Variants in FHL5 observed in about 807,000 individuals in gnomAD.
FHL5 encodes four and a half LIM domains 5, also known as four and a half LIM domains protein 5.
A neutral mutation model predicts 32.0 loss-of-function variants in FHL5; 33 were observed. The ratio of observed to expected loss-of-function variants is 1.03; its 90% CI spans 0.78 to 1.38. The LOEUF is 1.38. Among genes scored for constraint, FHL5 ranks in the 40% most tolerant of loss-of-function variants. The pLI is 0.00. For missense variants in FHL5, 336 were observed against 343.9 expected, an observed-to-expected ratio of 0.98 and a Z score of 0.18; for synonymous variants, 114 against 113.6, an observed-to-expected ratio of 1.00 and a Z score of -0.02.
chr6:96,564,791 C>G (rs543306528), intron 1 of FHL5, among the ~76,000 whole-genome samples: 1 of 152,286 alleles, frequency 6.6e-6, no homozygotes, highest in African/African-American at 2.4e-5. Flanking sequence ...AACCAGCTTG[C>G]ATTTCCTTGT....
chr6:96,571,869 A>G (rs1770485603), intron 1 of FHL5, among the ~76,000 whole-genome samples: 1 of 152,150 alleles, frequency 6.6e-6, no homozygotes, highest in Non-Finnish European at 1.5e-5. Flanking sequence ...GGTGCTCAGC[A>G]GTATCCCAGA....
intron 1 of FHL5, among the ~76,000 whole-genome samples, chr6:96,588,872 C>A (rs1168552158): frequency 7.0e-6 from 1 of 142,144 alleles, no homozygotes; most frequent in Non-Finnish European, 1.6e-5. Flanking sequence ...TCTTAATGAG[C>A]AATTCTTTTA....
chr6:96,573,512 T>C (rs1770523203), intron 1 of FHL5, among the ~76,000 whole-genome samples: 1 of 150,680 alleles, frequency 6.6e-6, no homozygotes, highest in Admixed American at 6.6e-5. Context: ...AGTCACACTA[T>C]CACAAAATAT....
At chr6:96,585,261 C>T (rs1770774457) in intron 1 of FHL5, among the ~76,000 whole-genome samples, 1 of 152,048 alleles carries the variant, frequency 6.6e-6, no homozygotes, top group Non-Finnish European at 1.5e-5. Flanking sequence ...TTCTTTACAC[C>T]ATTTAAATTT....
chr6:96,606,780 T>C (rs1176020436), intron 4 of FHL5, among the ~76,000 whole-genome samples: 2 of 152,216 alleles, frequency 1.3e-5, no homozygotes, highest in African/African-American at 4.8e-5. Flanking sequence ...AAATATGGAT[T>C]TGCCTCACAA....
chr6:96,615,782 C>T lies in FHL5; in HGVS notation c.*10C>T. 6.4e-7 allele frequency: 1 copy of T among 1,569,958 alleles called. No individual in the cohort carries two copies. Among genetic ancestry groups the T allele is most frequent in the Non-Finnish European group, 8.6e-7 (1 of 1,157,014 alleles). ...GGACACTGACATCTAGGAGACAGTC[C>T]TTGCCCACCTAAAATCCATTTTGCC... On this transcript the variant is annotated 3_prime_UTR_variant, in exon 6 of 6. Coordinates refer to ENST00000450218, the MANE Select transcript of FHL5 (RefSeq NM_001322466.2).
At chr6:96,582,075 G>T (rs912782523) in intron 1 of FHL5, among the ~76,000 whole-genome samples, 1 of 152,110 alleles carries the variant, frequency 6.6e-6, no homozygotes, top group East Asian at 1.9e-4. Context: ...CCTCAAACAA[G>T]CCTTTGAGGA....
intron 1 of FHL5, among the ~76,000 whole-genome samples, chr6:96,569,704 G>A (rs1231539118): frequency 6.6e-6 from 1 of 151,524 alleles, no homozygotes; most frequent in East Asian, 1.9e-4. Context: ...CCTGATATAA[G>A]TATAGCTATT....
chr6:96,596,982 T>C (rs1249449849), intron 1 of FHL5, among the ~76,000 whole-genome samples: 2 of 152,060 alleles, frequency 1.3e-5, no homozygotes, highest in South Asian at 4.1e-4. Context: ...TGCATCTTGC[T>C]CCCACACATG....
At chr6:96,582,765 G>A (rs954064511) in intron 1 of FHL5, among the ~76,000 whole-genome samples, 1 of 152,060 alleles carries the variant, frequency 6.6e-6, no homozygotes, top group African/African-American at 2.4e-5. Flanking sequence ...GGTTATTTTT[G>A]ATTGATGGCC....
At chr6:96,576,503 C>T (rs989855051) in intron 1 of FHL5, among the ~76,000 whole-genome samples, 4 of 152,204 alleles carry the variant, frequency 2.6e-5, no homozygotes, top group East Asian at 3.8e-4. Flanking sequence ...CAGGCTACCA[C>T]GTAAGCTTTT....
At chr6:96,600,950 A>C (rs1401313488) in intron 1 of FHL5, among the ~76,000 whole-genome samples, 1 of 152,190 alleles carries the variant, frequency 6.6e-6, no homozygotes, top group Non-Finnish European at 1.5e-5. Flanking sequence ...ATAAAATCAC[A>C]AGGTTTTGAG....
intron 1 of FHL5, among the ~76,000 whole-genome samples, chr6:96,589,393 A>G (rs1019657551): frequency 6.6e-6 from 1 of 152,034 alleles, no homozygotes; most frequent in Non-Finnish European, 1.5e-5. Flanking sequence ...TGATATTTTT[A>G]TATTGACCTT....
At chr6:96,574,538 T>G (rs1770546627) in intron 1 of FHL5, among the ~76,000 whole-genome samples, 1 of 152,160 alleles carries the variant, frequency 6.6e-6, no homozygotes, top group Admixed American at 6.5e-5. Flanking sequence ...AAAGCGATGC[T>G]TAGGTTTCAG....
chr6:96,574,528 A>AAAAAAAACCT (rs1770546319), intron 1 of FHL5, among the ~76,000 whole-genome samples: 1 of 152,192 alleles, frequency 6.6e-6, no homozygotes, highest in Non-Finnish European at 1.5e-5. Flanking sequence ...TAAAAATGTA[A>AAAAAAAACCT]AAGCGATGCT....
chr6:96,584,465 G>GTT (rs1431635451), intron 1 of FHL5, among the ~76,000 whole-genome samples: 2 of 145,900 alleles, frequency 1.4e-5, no homozygotes, highest in African/African-American at 5.2e-5. Flanking sequence ...GTGTGTTTGT[G>GTT]TGTGTGTGTG....
chr6:96,610,821 T>C, intron 5 of FHL5, 63 bp downstream of exon 5: 2 of 1,190,446 alleles, frequency 1.7e-6, no homozygotes, highest in Non-Finnish European at 2.4e-6. Context: ...AAACACTATC[T>C]AGTTAATTTA....
intron 1 of FHL5, among the ~76,000 whole-genome samples, chr6:96,569,631 A>G (rs752248882): frequency 2.0e-5 from 3 of 151,904 alleles, no homozygotes; most frequent in Non-Finnish European, 4.4e-5. Context: ...TATGTTTACA[A>G]TTGTTACATC....
At chr6:96,578,527 A>C (rs375584520) in intron 1 of FHL5, among the ~76,000 whole-genome samples, 8 of 152,276 alleles carry the variant, frequency 5.3e-5, no homozygotes, top group African/African-American at 1.9e-4. Context: ...CTGGCAATCT[A>C]GTCTAAAAAG....
Sources: allele counts gnomAD v4.1 joint callset (sites outside exome capture counted in the v4.1 genomes callset), GRCh38; gene constraint gnomAD v4.1.1; transcripts MANE v1.5; gene names NCBI Gene and HGNC (gene_info 2026-07-23, HGNC 2026-07-21).